KCMF1: variants seen among roughly 807,000 people sequenced by gnomAD.
KCMF1 encodes the protein potassium channel modulatory factor 1.
In KCMF1, 3 loss-of-function variants were observed where a neutral mutation model predicts 41.1. The observed-to-expected ratio is 0.07, with a 90% CI of 0.03 to 0.19. KCMF1 has a LOEUF of 0.19. Ranked by LOEUF, KCMF1 falls within the 10% of genes least tolerant of loss-of-function variation. KCMF1 has a pLI of 1.00. For missense variants in KCMF1, 286 were observed against 488.9 expected, an observed-to-expected ratio of 0.58 and a Z score of 3.91; for synonymous variants, 142 against 164.5, an observed-to-expected ratio of 0.86 and a Z score of 1.04.
chr2:85,023,807 T>A (rs1196136592), intron 1 of KCMF1, among the ~76,000 whole-genome samples: 1 of 152,244 alleles, frequency 6.6e-6, no homozygotes, highest in African/African-American at 2.4e-5. Context: ...GTGGTTGTGC[T>A]GATTTACACT....
At chr2:85,025,721 C>CTG in intron 1 of KCMF1, among the ~76,000 whole-genome samples, 1 of 151,838 alleles carries the variant, frequency 6.6e-6, no homozygotes, top group East Asian at 2.0e-4. Context: ...TGATTCTCTT[C>CTG]CCTCAGCCAC....
In KCMF1 at chr2:85,053,756, T is replaced by A; in HGVS notation, c.*347T>A. The A allele has an allele frequency of 5.5e-6, 1 of 181,740 alleles. No homozygotes were observed. Among genetic ancestry groups the A allele is most frequent in the East Asian group, 1.4e-4 (1 of 6,900 alleles). The allele number at this position is 181,740 out of a possible 1,614,324, so 11.3% of individuals were successfully genotyped here. On this transcript the variant is annotated 3_prime_UTR_variant, in exon 7 of 7. Transcript: ENST00000409785. ...TGAATATTAATGAATAAAAACTGCTTGGATGGTTTACCTTAACTACTGCAT... is the reference window on the plus strand; with the variant it reads ...TGAATATTAATGAATAAAAACTGCTAGGATGGTTTACCTTAACTACTGCAT...
At chr2:85,014,421 G>A (rs1051198186) in intron 1 of KCMF1, among the ~76,000 whole-genome samples, 3 of 152,128 alleles carry the variant, frequency 2.0e-5, no homozygotes, top group Non-Finnish European at 4.4e-5. Context: ...CCATGTAATG[G>A]CTCTTTGCCT....
At chr2:84,981,005 G>C (rs1187290674) in intron 1 of KCMF1, among the ~76,000 whole-genome samples, 1 of 151,720 alleles carries the variant, frequency 6.6e-6, no homozygotes, top group Non-Finnish European at 1.5e-5. Context: ...CAGTGGCCAC[G>C]GGGGTACTGG....
intron 1 of KCMF1, among the ~76,000 whole-genome samples, chr2:84,976,044 C>A (rs762893141): frequency 6.6e-6 from 1 of 152,076 alleles, no homozygotes; most frequent in Non-Finnish European, 1.5e-5. Context: ...AAGGAAGATG[C>A]ATTTTTTACG....
chr2:84,994,207 C>T (rs1422409972), intron 1 of KCMF1, among the ~76,000 whole-genome samples: 1 of 152,122 alleles, frequency 6.6e-6, no homozygotes, highest in African/African-American at 2.4e-5. Context: ...CTCGGCCTCC[C>T]AAAGTGCTGG....
chr2:85,011,064 G>A (rs1399450066), intron 1 of KCMF1, among the ~76,000 whole-genome samples: 4 of 151,988 alleles, frequency 2.6e-5, no homozygotes, highest in African/African-American at 9.7e-5. Context: ...TGATGGTCTC[G>A]ATCTCTTGAC....
chr2:85,008,641 C>G (rs1220691813), intron 1 of KCMF1, among the ~76,000 whole-genome samples: 4 of 151,660 alleles, frequency 2.6e-5, no homozygotes, highest in African/African-American at 9.7e-5. Flanking sequence ...GGAGGCAGAG[C>G]ATTGCTTTGT....
At chr2:84,991,923 G>C (rs548666696) in intron 1 of KCMF1, among the ~76,000 whole-genome samples, 10 of 152,270 alleles carry the variant, frequency 6.6e-5, no homozygotes, top group Middle Eastern at 3.4e-3. Flanking sequence ...GCTGGTATGA[G>C]AGACCCAAAA....
chr2:85,026,740 G>A (rs767968904), intron 1 of KCMF1, among the ~76,000 whole-genome samples: 18 of 151,978 alleles, frequency 1.2e-4, no homozygotes, highest in Non-Finnish European at 2.1e-4. Context: ...CCCCTGCCTC[G>A]CCTTGCCAAA....
chr2:85,029,591 G>A lies in KCMF1; in HGVS notation c.184+1535G>A, dbSNP rs1298035330. ...TCCGGCCTGGCCAACAAAGCAAGAC[G>A]CTATCTCAAAAAAAAAAAAAGGCAG... is the stretch of plus-strand genomic sequence containing the variant. On this transcript the variant is annotated intron_variant, in intron 2 of 6. Coordinates refer to ENST00000409785, the MANE Select transcript of KCMF1 (RefSeq NM_020122.5). Among the ~76,000 whole-genome samples, 19 of 145,148 alleles carry A rather than the reference G, an allele frequency of 1.3e-4. 1 individual carries two copies. In the Middle Eastern group the frequency reaches 0.011, roughly 82 times the overall value.
intron 1 of KCMF1, among the ~76,000 whole-genome samples, chr2:84,997,176 A>T (rs1445481450): frequency 6.6e-6 from 1 of 152,190 alleles, no homozygotes; most frequent in Non-Finnish European, 1.5e-5. Flanking sequence ...TTTGCAACTT[A>T]GTTTCACTGA....
intron 2 of KCMF1, 24 bp from the exon 3 acceptor site, chr2:85,034,992 A>T (rs756983926): frequency 6.3e-7 from 1 of 1,576,852 alleles, no homozygotes; most frequent in Non-Finnish European, 8.7e-7. Flanking sequence ...ATATTCCTCA[A>T]TGCAATTCTA....
intron 3 of KCMF1, among the ~76,000 whole-genome samples, chr2:85,040,916 A>T (rs2104050165): frequency 1.3e-5 from 2 of 152,122 alleles, no homozygotes; most frequent in Admixed American, 1.3e-4. Context: ...GTGTGCCACC[A>T]TGCCCAGGTC....
intron 1 of KCMF1, among the ~76,000 whole-genome samples, chr2:85,009,207 T>C (rs1674594221): frequency 6.6e-6 from 1 of 152,138 alleles, no homozygotes; most frequent in African/African-American, 2.4e-5. Flanking sequence ...TGAAAGTGTG[T>C]GGCACTTCCC....
intron 2 of KCMF1, among the ~76,000 whole-genome samples, chr2:85,034,249 G>T (rs951044869): frequency 5.9e-5 from 9 of 152,188 alleles, no homozygotes; most frequent in African/African-American, 2.2e-4. Flanking sequence ...AATGTTCAGG[G>T]TCCTTCCTGC....
rs563422225 is a variant in KCMF1 at position 85,014,843 on chromosome 2, C to T, written c.17-13046C>T. ...CCTGCCTCAGCCTCCCAAAGTGTTTCCCTCAGCCTCCCAAAGCCACCTGTT... is the reference window on the plus strand; with the variant it reads ...CCTGCCTCAGCCTCCCAAAGTGTTTTCCTCAGCCTCCCAAAGCCACCTGTT... On this transcript the variant is annotated intron_variant, in intron 1 of 6. Transcript: ENST00000409785. Among the ~76,000 whole-genome samples, 4 of 151,460 alleles carry T rather than the reference C, an allele frequency of 2.6e-5. No individual in the cohort carries two copies. The South Asian group carries it at 8.4e-4, about 32-fold the overall frequency.
chr2:85,027,634 G>A (rs758502106), intron 1 of KCMF1, among the ~76,000 whole-genome samples: 2 of 151,808 alleles, frequency 1.3e-5, no homozygotes, highest in Non-Finnish European at 2.9e-5. Flanking sequence ...CTCGACCCCC[G>A]CAAAGTGCTC....
rs576349075 is a variant in KCMF1 at position 84,979,562 on chromosome 2, G to T, written c.16+8095G>T. On this transcript the variant is annotated intron_variant, in intron 1 of 6. Transcript: ENST00000409785. ...AATCACTTTATAAATATAGCTGTGG[G>T]GCTACTTTCATGCATATGGACTCAA... Among the ~76,000 whole-genome samples, 13 of 151,828 alleles carry T rather than the reference G, an allele frequency of 8.6e-5. No individual in the cohort carries two copies. In the South Asian group the frequency reaches 2.7e-3, roughly 32 times the overall value.
Sources: allele counts gnomAD v4.1 joint callset (sites outside exome capture counted in the v4.1 genomes callset), GRCh38; gene constraint gnomAD v4.1.1; transcripts MANE v1.5; gene names NCBI Gene and HGNC (gene_info 2026-07-23, HGNC 2026-07-21).